Variants in SORBS2 observed in about 807,000 individuals in gnomAD.
SORBS2 encodes the protein sorbin and SH3 domain-containing protein 2.
SORBS2 carries 46 observed loss-of-function variants against 97.7 expected under a neutral mutation model. The ratio of observed to expected loss-of-function variants is 0.47; its 90% CI spans 0.37 to 0.60. The LOEUF is 0.60. SORBS2 is among the 20% of genes least tolerant of loss of function. SORBS2 has a pLI of 0.00. For missense variants in SORBS2, 1,316 were observed against 1,282.3 expected (o/e 1.03, Z -0.40); for synonymous variants, 476 against 473.4 (o/e 1.01, Z -0.07).
intron 1 of SORBS2, among the ~76,000 whole-genome samples, chr4:185,792,146 T>G (rs915810730): frequency 6.6e-6 from 1 of 152,232 alleles, no homozygotes; most frequent in African/African-American, 2.4e-5. Context: ...AAATTTCCTT[T>G]GGCCCCATTC....
chr4:185,677,096 C>T, intron 4 of SORBS2: 1 of 1,551,564 alleles, frequency 6.4e-7, no homozygotes. Context: ...GCTCAGGTAG[C>T]TGTTTGTGGC....
chr4:185,752,431 A>AC (rs1454232742), intron 2 of SORBS2, among the ~76,000 whole-genome samples: 1 of 152,000 alleles, frequency 6.6e-6, no homozygotes, highest in Non-Finnish European at 1.5e-5. Flanking sequence ...GCCCGCCACC[A>AC]CACCCAGCTA....
chr4:185,911,637 AG>A (rs572275822), intron 1 of SORBS2, among the ~76,000 whole-genome samples: 25 of 152,282 alleles, frequency 1.6e-4, no homozygotes, highest in African/African-American at 5.5e-4. Context: ...CTCAAGATCA[AG>A]GACAACTGAC....
At chr4:185,748,226 G>C (rs1181101518) in intron 2 of SORBS2, among the ~76,000 whole-genome samples, 1 of 152,142 alleles carries the variant, frequency 6.6e-6, no homozygotes, top group East Asian at 1.9e-4. Flanking sequence ...TCATCAGGTA[G>C]GGCTGGGCTT....
chr4:185,842,849 C>T (rs1448083423), intron 1 of SORBS2, among the ~76,000 whole-genome samples: 1 of 148,468 alleles, frequency 6.7e-6, no homozygotes, highest in Non-Finnish European at 1.5e-5. Context: ...GCAAGGGAAT[C>T]GCTTGGGCCC....
chr4:185,657,658 G>A (rs2097430521), upstream of SORBS2: 4 of 1,460,836 alleles, frequency 2.7e-6, no homozygotes, highest in African/African-American at 1.4e-5. Flanking sequence ...AAATTCATGT[G>A]TCTTGTTGTA....
intron 2 of SORBS2, among the ~76,000 whole-genome samples, chr4:185,679,755 C>A (rs1490153419): frequency 6.6e-6 from 1 of 152,172 alleles, no homozygotes; most frequent in Admixed American, 6.5e-5. Context: ...TTATTAGATT[C>A]CCATTTCAAT....
intron 1 of SORBS2, among the ~76,000 whole-genome samples, chr4:185,852,984 G>C (rs1401907143): frequency 6.6e-6 from 1 of 152,128 alleles, no homozygotes; most frequent in Non-Finnish European, 1.5e-5. Context: ...AATCATGAAG[G>C]TCACTACACT....
At chr4:185,897,141 G>A (rs955551802) in intron 1 of SORBS2, among the ~76,000 whole-genome samples, 9 of 152,148 alleles carry the variant, frequency 5.9e-5, no homozygotes, top group African/African-American at 7.2e-5. Flanking sequence ...CTCCAGGACC[G>A]TCACAGTAAC....
intron 2 of SORBS2, among the ~76,000 whole-genome samples, chr4:185,702,813 T>C (rs1239788792): frequency 2.0e-5 from 3 of 152,140 alleles, no homozygotes; most frequent in East Asian, 1.9e-4. Flanking sequence ...TAAGGGACTT[T>C]TATGGTTTGA....
chr4:185,751,621 C>G (rs146312626), intron 2 of SORBS2, among the ~76,000 whole-genome samples: 204 of 151,886 alleles, frequency 1.3e-3, no homozygotes, highest in Non-Finnish European at 2.4e-3. Flanking sequence ...AGTGTAGATA[C>G]ATACTGACCA....
chr4:185,866,811 C>T (rs1028999574), intron 1 of SORBS2, among the ~76,000 whole-genome samples: 6 of 152,104 alleles, frequency 3.9e-5, no homozygotes, highest in African/African-American at 1.2e-4. Context: ...ATTGCCAGCA[C>T]CAATAAATGT....
Position 185,623,645 on chromosome 4 carries a change from G to A in SORBS2, c.1484C>T (p.Ala495Val), listed in dbSNP as rs1435928595. Residue 495 changes from alanine to valine, a missense_variant, in exon 7 of 15, where the codon GCA becomes GTA. Transcript: ENST00000418609. The surrounding 1 kb of genome is among the most constrained non-coding windows in gnomAD (Gnocchi z 6.4). The stretch of plus-strand genomic sequence containing the variant: ...GTCGCTGTCGGAAAACTCCACGTGT[G>A]CTCGGGGCTGCTCATCGCTGGTGAC... 4 of 1,613,998 alleles carry A rather than the reference G, an allele frequency of 2.5e-6. No individual in the cohort carries two copies. In the East Asian group the frequency reaches 6.7e-5, roughly 27 times the overall value.
chr4:185,939,657 C>T (rs1328494036), intron 1 of SORBS2, among the ~76,000 whole-genome samples: 4 of 152,140 alleles, frequency 2.6e-5, no homozygotes, highest in African/African-American at 9.7e-5. Context: ...ATTACAGGCA[C>T]GTGCCACCAC....
At chr4:185,705,985 A>G (rs530459987) in intron 2 of SORBS2, among the ~76,000 whole-genome samples, 5 of 152,338 alleles carry the variant, frequency 3.3e-5, no homozygotes, top group African/African-American at 1.2e-4. Context: ...ATCCACACTC[A>G]TTCCTGAAAA....
At chr4:185,707,533 G>T (rs2098362602) in intron 2 of SORBS2, among the ~76,000 whole-genome samples, 1 of 151,044 alleles carries the variant, frequency 6.6e-6, no homozygotes, top group African/African-American at 2.4e-5. Flanking sequence ...TTTATCATGG[G>T]TACAAGGCAC....
rs759240107 is a variant in SORBS2 at position 185,785,880 on chromosome 4, G to C, written c.-337-10514C>G. 3.3e-4 allele frequency among the ~76,000 whole-genome samples: 51 copies of C among 152,244 alleles called. 1 individual carries two copies. Among genetic ancestry groups the C allele is most frequent in the Admixed American group, 3.9e-4 (6 of 15,286 alleles). On this transcript the variant is annotated intron_variant, in intron 1 of 20. Transcript: ENST00000284776. ...GTTGAGCCTCATTTTCCTCATCTGA[G>C]CAATGGGAATATCGTTCATTACCTT...
chr4:185,806,624 A>AT (rs1554027255), intron 1 of SORBS2, among the ~76,000 whole-genome samples: 1 of 150,874 alleles, frequency 6.6e-6, no homozygotes, highest in South Asian at 2.1e-4. Context: ...CGCCCGGCTA[A>AT]TTTTTTGTAT....
intron 1 of SORBS2, among the ~76,000 whole-genome samples, chr4:185,841,470 T>C (rs2099211489): frequency 6.6e-6 from 1 of 152,216 alleles, no homozygotes; most frequent in African/African-American, 2.4e-5. Context: ...TACTCTCCTC[T>C]GTATTGAAGG....
Sources: gnomAD v4.1 joint callset for allele counts (sites outside exome capture counted in the v4.1 genomes callset) on GRCh38, gnomAD v4.1.1 for gene constraint, Gnocchi (gnomAD v3.1) non-coding constraint, MANE v1.5 for transcripts, NCBI Gene and HGNC (gene_info 2026-07-23, HGNC 2026-07-21) for gene names.